Variants in THADA observed in about 807,000 individuals in gnomAD.
THADA encodes tRNA (32-2'-O)-methyltransferase regulator THADA.
THADA carries 213 observed loss-of-function variants against 219.8 expected under a neutral mutation model. The ratio of observed to expected loss-of-function variants is 0.97; its 90% CI spans 0.87 to 1.09. THADA has a LOEUF of 1.09. Ranked by LOEUF, THADA falls within the 50% of genes least tolerant of loss-of-function variation. THADA has a pLI of 0.00. For synonymous variants in THADA, 1,018 were observed against 828.9 expected (o/e 1.23, Z -3.92); for missense variants, 2,956 against 2,311.3 (o/e 1.28, Z -5.72).
At chr2:43,405,130 T>C (rs1675374405) in intron 28 of THADA, among the ~76,000 whole-genome samples, 1 of 152,232 alleles carries the variant, frequency 6.6e-6, no homozygotes, top group Admixed American at 6.5e-5. Flanking sequence ...CTCTGGGGCC[T>C]ATTCACTTGT....
rs1476213323 is a variant in THADA, at chr2:43,574,777, C to A, written c.1288G>T (p.Asp430Tyr). 5 of 1,613,900 alleles carry A rather than the reference C, an allele frequency of 3.1e-6. No individual in the cohort carries two copies. Among genetic ancestry groups the A allele is most frequent in the Non-Finnish European group, 4.2e-6 (5 of 1,179,904 alleles). The change falls in exon 11 of 38, where the codon GAT (aspartate) becomes TAT (tyrosine). Residue 430 changes from aspartate (D) to tyrosine (Y), a missense_variant. Physicochemically the swap from Asp to Tyr is radical, Grantham distance 160. Coordinates refer to ENST00000405975, the MANE Select transcript of THADA (RefSeq NM_022065.5). Reference sequence around the variant, plus strand: ...ACAAAGAAAGGATCAGGGACGAAATCTGCACCTTCCACAGTGAGCCGGTGC... The same window carrying A: ...ACAAAGAAAGGATCAGGGACGAAATATGCACCTTCCACAGTGAGCCGGTGC... ...QMHRLTVEGA[D>Y]FVPDPFFVEL...
At chr2:43,402,230 C>A (rs549450844) in intron 28 of THADA, among the ~76,000 whole-genome samples, 1 of 152,142 alleles carries the variant, frequency 6.6e-6, no homozygotes, top group Non-Finnish European at 1.5e-5. Context: ...CAGGGAACCA[C>A]CAGCTTAGAG....
Position 43,397,956 on chromosome 2 carries a change from A to G in THADA, c.4227+15T>C, listed in dbSNP as rs375872978. 6.2e-7 allele frequency: 1 copy of G among 1,613,616 alleles called. No homozygotes were observed. Among genetic ancestry groups the G allele is most frequent in the South Asian group, 1.1e-5 (1 of 91,022 alleles). ...ATGGTGTTTGACAGAAGTCACACAA[A>G]GCAACTTTACTTACCTGGAGAAGTG... On this transcript the variant is annotated intron_variant, in intron 29 of 37. Coordinates refer to ENST00000405975, the MANE Select transcript of THADA (RefSeq NM_022065.5).
rs1572890462 is a variant in THADA, at chr2:43,279,787, T to C, written c.5274A>G (p.Gln1758=). The change falls in exon 36 of 38, where the codon CAA becomes CAG. Residue 1758 remains glutamine (Q), a synonymous_variant. Transcript: ENST00000405975. ...TACCTGTTGACTGGCAGGTATTTTC[T>C]TGTGACATGGCAGTTGTCACGGTTT... ...ATETVTTAMS[Q]ENTCQSTEFA... is the part of the protein sequence containing the mutation. 1 of 1,550,788 alleles carries C rather than the reference T, an allele frequency of 6.4e-7. No homozygotes were observed. Among genetic ancestry groups the C allele is most frequent in the Non-Finnish European group, 8.7e-7 (1 of 1,146,842 alleles).
chr2:43,581,501 G>A lies in THADA; in HGVS notation c.721+240C>T, dbSNP rs1261311829. 2.2e-5 allele frequency among the ~76,000 whole-genome samples: 3 copies of A among 138,204 alleles called. No homozygotes were observed. The East Asian group carries it at 6.3e-4, about 29-fold the overall frequency. The allele number at this position is 138,204 out of a possible 152,430, so 90.7% of individuals were successfully genotyped here. A position where few individuals can be genotyped will look rare whatever the true frequency, so the allele number is the denominator to read the frequency against. On this transcript the variant is annotated intron_variant, in intron 8 of 37. Coordinates refer to ENST00000405975, the MANE Select transcript of THADA (RefSeq NM_022065.5). ...AGAGGTTGCAGTGAATAAACATCAC[G>A]CCACTACACTCCAGCCTGGGCAGCA...
Position 43,498,859 on chromosome 2 carries a change from G to C in THADA, c.3718C>G (p.Leu1240Val). The C allele has an allele frequency of 6.2e-7, 1 of 1,612,888 alleles. No individual in the cohort carries two copies. Among genetic ancestry groups the C allele is most frequent in the African/African-American group, 1.3e-5 (1 of 75,020 alleles). The change falls in exon 25 of 38, where the codon CTG (leucine) becomes GTG (valine). Residue 1240 changes from leucine (L) to valine (V), a missense_variant. Physicochemically the swap from Leu to Val is conservative, Grantham distance 32. Transcript: ENST00000405975. ...GCCCAGACCGGTGATGTAAAACCCAGAATTGCAGCCTTAGCTCCATCAGCA... is the reference window on the plus strand; with the variant it reads ...GCCCAGACCGGTGATGTAAAACCCACAATTGCAGCCTTAGCTCCATCAGCA... Reference protein sequence around the residue: ...YVADGAKAAILGFTSPVWAVR... With the variant: ...YVADGAKAAIVGFTSPVWAVR...
chr2:43,360,945 C>T (rs1381843142), intron 29 of THADA, among the ~76,000 whole-genome samples: 1 of 152,188 alleles, frequency 6.6e-6, no homozygotes, highest in African/African-American at 2.4e-5. Context: ...GGAATGAGTT[C>T]ATCCCCAGGA....
chr2:43,329,990 A>T (rs1291569037), intron 30 of THADA, among the ~76,000 whole-genome samples: 1 of 152,136 alleles, frequency 6.6e-6, no homozygotes, highest in East Asian at 1.9e-4. Context: ...TCTATTTCAC[A>T]CCTTCATTTT....
chr2:43,574,358 C>A lies in THADA; in HGVS notation c.1707G>T (p.Gln569His). The A allele has an allele frequency of 7.0e-6, 11 of 1,577,078 alleles. No individual in the cohort carries two copies. The highest frequency in any genetic ancestry group is 9.4e-6 in the Non-Finnish European group (11 of 1,164,944). ...TACCAGTTTTAGCATCAATAGAAGT[C>A]TGAAGAATCTTTACCATGTACTGTA... The part of the protein sequence containing the change: ...ESLQYMVKIL[Q>H]TSIDAKTGQE... The change falls in exon 11 of 38, where the codon CAG becomes CAT. Residue 569 changes from glutamine to histidine, a missense_variant. By Grantham distance (24) the Gln-to-His change is conservative. Transcript: ENST00000405975.
chr2:43,542,847 A>G (rs1163358872), intron 20 of THADA, among the ~76,000 whole-genome samples: 1 of 152,088 alleles, frequency 6.6e-6, no homozygotes, highest in Non-Finnish European at 1.5e-5. Flanking sequence ...AGGCTGGTGA[A>G]AGTCTTCTTT....
chr2:43,391,543 T>A (rs1452515280), intron 29 of THADA, among the ~76,000 whole-genome samples: 1 of 152,224 alleles, frequency 6.6e-6, no homozygotes, highest in South Asian at 2.1e-4. Context: ...TTTGGGCTTA[T>A]ATCCAGAAAG....
At chr2:43,515,784 T>C (rs74821293) in intron 22 of THADA, among the ~76,000 whole-genome samples, 18,570 of 152,024 alleles carry the variant, frequency 0.12, 1,353 homozygotes, top group African/African-American at 0.2. Flanking sequence ...ATCTGAAATA[T>C]ACAAAGATTA....
chr2:43,369,051 T>C (rs1390313666), intron 29 of THADA, among the ~76,000 whole-genome samples: 1 of 152,238 alleles, frequency 6.6e-6, no homozygotes, highest in Non-Finnish European at 1.5e-5. Flanking sequence ...TCATAAGATG[T>C]ATCACGTGCA....
chr2:43,471,186 A>C lies in THADA; in HGVS notation c.3836+14048T>G, dbSNP rs888264347. ...ATACTCATTTACTGTCACCCCCCAA[A>C]ATAAAAATATTGACAATTATATCAT... On this transcript the variant is annotated intron_variant, in intron 26 of 37. Transcript: ENST00000405975. 2.0e-5 allele frequency among the ~76,000 whole-genome samples: 3 copies of C among 152,176 alleles called. No homozygotes were observed. The East Asian group carries it at 5.8e-4, about 29-fold the overall frequency.
intron 26 of THADA, among the ~76,000 whole-genome samples, chr2:43,469,054 C>CG (rs1684602994): frequency 6.6e-6 from 1 of 152,104 alleles, no homozygotes; most frequent in Admixed American, 6.5e-5. Context: ...GTATGAGCCC[C>CG]GGACCCTGTC....
At chr2:43,387,066 C>G (rs1485980031) in intron 29 of THADA, among the ~76,000 whole-genome samples, 1 of 152,138 alleles carries the variant, frequency 6.6e-6, no homozygotes, top group East Asian at 1.9e-4. Context: ...TTCAGTAGAA[C>G]CTCTGTTTTT....
intron 29 of THADA, among the ~76,000 whole-genome samples, chr2:43,381,553 T>A (rs549073600): frequency 6.6e-6 from 1 of 151,836 alleles, no homozygotes; most frequent in East Asian, 1.9e-4. Flanking sequence ...CTAAGCCATG[T>A]GATTAATGTT....
chr2:43,522,443 C>T (rs1018398553), intron 22 of THADA, among the ~76,000 whole-genome samples: 3 of 152,156 alleles, frequency 2.0e-5, no homozygotes, highest in African/African-American at 7.2e-5. Flanking sequence ...GGGAGAAGGA[C>T]AAGATACAGT....
chr2:43,412,084 T>G (rs1163868338), intron 28 of THADA, among the ~76,000 whole-genome samples: 1 of 152,172 alleles, frequency 6.6e-6, no homozygotes, highest in Non-Finnish European at 1.5e-5. Flanking sequence ...TGATATTTTA[T>G]GTTGGATTTT....
Sources: allele counts gnomAD v4.1 joint callset (sites outside exome capture counted in the v4.1 genomes callset), GRCh38; gene constraint gnomAD v4.1.1; transcripts MANE v1.5; gene names NCBI Gene and HGNC (gene_info 2026-07-23, HGNC 2026-07-21).